Variants in ATP2B2 observed in about 807,000 individuals in gnomAD.
ATP2B2 encodes the protein plasma membrane calcium-transporting ATPase 2.
In ATP2B2, 15 loss-of-function variants were observed where a neutral mutation model predicts 120.0. The observed-to-expected ratio is 0.12, with a 90% CI of 0.08 to 0.19. The LOEUF (loss-of-function observed/expected upper bound fraction) is 0.19. Ranked by LOEUF, ATP2B2 falls within the 10% of genes least tolerant of loss-of-function variation. The probability of loss-of-function intolerance (pLI) is 1.00; values close to 1 mark genes in which losing one functional copy is unlikely to be tolerated. For synonymous variants in ATP2B2, 694 were observed against 700.3 expected (o/e 0.99, Z 0.14); for missense variants, 1,045 against 1,719.8 (o/e 0.61, Z 6.94).
At chr3:10,461,929 G>A (rs140959345) in intron 1 of ATP2B2, among the ~76,000 whole-genome samples, 5 of 152,148 alleles carry the variant, frequency 3.3e-5, no homozygotes, top group Non-Finnish European at 5.9e-5. Context: ...CAGTCTTCAC[G>A]TCCCTGCCCA....
At chr3:10,532,310 A>T (rs1436493014) in intron 3 of ATP2B2, among the ~76,000 whole-genome samples, 1 of 152,224 alleles carries the variant, frequency 6.6e-6, no homozygotes, top group Admixed American at 6.5e-5. Context: ...AGTGCTCAAT[A>T]AACACTTGTA....
At chr3:10,641,837 T>A (rs1053346962) in intron 1 of ATP2B2, among the ~76,000 whole-genome samples, 1 of 152,060 alleles carries the variant, frequency 6.6e-6, no homozygotes, top group Admixed American at 6.6e-5. Flanking sequence ...CATCTACCCA[T>A]CTATTCATCC....
intron 1 of ATP2B2, among the ~76,000 whole-genome samples, chr3:10,481,915 C>G (rs776710698): frequency 6.6e-6 from 1 of 152,202 alleles, no homozygotes; most frequent in Admixed American, 6.5e-5. Context: ...TACTTATTGT[C>G]TATGTCCCTC....
chr3:10,335,359 C>T (rs993834479), intron 22 of ATP2B2, among the ~76,000 whole-genome samples: 2 of 152,184 alleles, frequency 1.3e-5, no homozygotes, highest in Admixed American at 1.3e-4. Flanking sequence ...GGAAAGGTGT[C>T]TGCAGGGCAG....
chr3:10,707,578 G>GC (rs1213945740), intron 1 of ATP2B2, among the ~76,000 whole-genome samples: 12 of 152,126 alleles, frequency 7.9e-5, no homozygotes, highest in African/African-American at 1.9e-4. Context: ...CGTCCCGGAC[G>GC]CCCCCCCAGC....
intron 2 of ATP2B2, among the ~76,000 whole-genome samples, chr3:10,414,084 G>A (rs1161132900): frequency 6.6e-6 from 1 of 152,148 alleles, no homozygotes; most frequent in African/African-American, 2.4e-5. Context: ...CCCTGAAATG[G>A]TTTTCCTGGG....
intron 2 of ATP2B2, among the ~76,000 whole-genome samples, chr3:10,542,051 T>C (rs748965993): frequency 2.0e-5 from 3 of 152,234 alleles, no homozygotes; most frequent in Non-Finnish European, 2.9e-5. Flanking sequence ...TGACTTTATC[T>C]GATATTTATA....
chr3:10,536,916 G>C (rs1010244896), intron 2 of ATP2B2, among the ~76,000 whole-genome samples: 4 of 152,220 alleles, frequency 2.6e-5, no homozygotes, highest in African/African-American at 9.6e-5. Flanking sequence ...TGTGGTGTGA[G>C]ACTTAGGTTG....
rs148250957 is a variant in ATP2B2 at position 10,630,303 on chromosome 3, C to T, written c.-459-10342G>A. On this transcript the variant is annotated intron_variant, in intron 1 of 21. Transcript: ENST00000646379. The stretch of plus-strand genomic sequence containing the variant: ...TACCCATTAGTTACTTTTCCTGATG[C>T]TCTCCCTCTTCCCACCTTCCACCCA... 2.2e-3 allele frequency among the ~76,000 whole-genome samples: 336 copies of T among 152,212 alleles called. 2 individuals are homozygous for T. Among genetic ancestry groups the T allele is most frequent in the Non-Finnish European group, 3.6e-3 (245 of 68,004 alleles).
chr3:10,345,928 G>A (rs1206662487), intron 17 of ATP2B2, 103 bp downstream of exon 17: 9 of 1,202,078 alleles, frequency 7.5e-6, no homozygotes, highest in Non-Finnish European at 1.1e-5. Context: ...CAGATGGCGG[G>A]TGGGCCAAGT....
chr3:10,534,615 G>T (rs1468600272), intron 2 of ATP2B2, among the ~76,000 whole-genome samples: 2 of 152,220 alleles, frequency 1.3e-5, no homozygotes. Context: ...GGCAGAGGGG[G>T]TGTGAAAGAG....
At chr3:10,633,905 A>G (rs2069944825) in intron 1 of ATP2B2, among the ~76,000 whole-genome samples, 1 of 152,176 alleles carries the variant, frequency 6.6e-6, no homozygotes, top group Non-Finnish European at 1.5e-5. Flanking sequence ...ACTTTCCTAG[A>G]TTCCTTCCCA....
intron 1 of ATP2B2, among the ~76,000 whole-genome samples, chr3:10,474,994 TATC>T (rs1373656268): frequency 6.6e-6 from 1 of 152,228 alleles, no homozygotes; most frequent in African/African-American, 2.4e-5. Flanking sequence ...GTCTGAAACG[TATC>T]ATCACAGCTT....
chr3:10,527,644 C>CCT (rs1368144842), intron 3 of ATP2B2, among the ~76,000 whole-genome samples: 1 of 152,220 alleles, frequency 6.6e-6, no homozygotes, highest in African/African-American at 2.4e-5. Flanking sequence ...GAACCCCCTA[C>CCT]CTCCCCACCA....
At chr3:10,458,796 C>T (rs554767985) in intron 1 of ATP2B2, among the ~76,000 whole-genome samples, 11 of 152,360 alleles carry the variant, frequency 7.2e-5, no homozygotes, top group East Asian at 3.9e-4. Flanking sequence ...AGGCCACAAT[C>T]GCCACGGCCA....
At position 10,358,738 on chromosome 3, in the gene ATP2B2, G is replaced by A; in HGVS notation, c.2089C>T (p.Leu697Phe). 6.2e-7 allele frequency: 1 copy of A among 1,614,250 alleles called. No homozygotes were observed. The highest frequency in any genetic ancestry group is 8.5e-7 in the Non-Finnish European group (1 of 1,180,046). ...ATGCCCACCACGCAGATGCAGGTGA[G>A]TTCGTTGAGGATGTCATTCTCATTG... ...WDNENDILNE[L>F]TCICVVGIED... Residue 697 changes from leucine to phenylalanine, a missense_variant, in exon 14 of 23, where the codon CTC becomes TTC. Leu to Phe is a conservative substitution (Grantham distance 22, BLOSUM62 0). Around this residue, in one of 11 missense-constraint regions of ATP2B2, gnomAD observed 343 missense variants for 536.8 expected, o/e 0.64. Coordinates refer to ENST00000360273, the MANE Select transcript of ATP2B2 (RefSeq NM_001001331.4).
At chr3:10,602,413 A>G (rs1191626846) in intron 2 of ATP2B2, among the ~76,000 whole-genome samples, 1 of 152,184 alleles carries the variant, frequency 6.6e-6, no homozygotes, top group Non-Finnish European at 1.5e-5. Flanking sequence ...CAGTCAGGAC[A>G]TGGTGCCTGC....
At chr3:10,443,443 C>T (rs1337442619) in intron 2 of ATP2B2, among the ~76,000 whole-genome samples, 1 of 152,176 alleles carries the variant, frequency 6.6e-6, no homozygotes, top group Non-Finnish European at 1.5e-5. Context: ...GGCCATGTGA[C>T]TATAAGTGGC....
intron 1 of ATP2B2, among the ~76,000 whole-genome samples, chr3:10,470,276 A>G (rs889871896): frequency 1.3e-5 from 2 of 152,114 alleles, no homozygotes; most frequent in African/African-American, 2.4e-5. Context: ...CTCACCCTCA[A>G]ACAACACAGG....
Sources: allele counts gnomAD v4.1 joint callset (sites outside exome capture counted in the v4.1 genomes callset), GRCh38; gene constraint gnomAD v4.1.1; regional missense constraint gnomAD v4.1.1; transcripts MANE v1.5; gene names NCBI Gene and HGNC (gene_info 2026-07-23, HGNC 2026-07-21).